The following AUH variants were observed in gnomAD, a reference collection of about 807,000 sequenced individuals.
AUH encodes methylglutaconyl-CoA hydratase, mitochondrial.
A neutral mutation model predicts 42.3 loss-of-function variants in AUH; 29 were observed. The ratio of observed to expected loss-of-function variants is 0.69; its 90% CI spans 0.51 to 0.93. The LOEUF is 0.93. Among genes scored for constraint, AUH ranks in the 40% least tolerant of loss-of-function variants. AUH has a pLI of 0.00. For synonymous variants in AUH, 174 were observed against 166.4 expected (o/e 1.05, Z -0.35); for missense variants, 452 against 438.1 (o/e 1.03, Z -0.28).
intron 4 of AUH, among the ~76,000 whole-genome samples, chr9:91,300,898 T>C (rs575648422): frequency 6.6e-6 from 1 of 152,338 alleles, no homozygotes; most frequent in South Asian, 2.1e-4. Flanking sequence ...TATGCTTACA[T>C]GGCACTCTGT....
At chr9:91,229,041 G>A (rs1249843985) in intron 6 of AUH, among the ~76,000 whole-genome samples, 3 of 151,648 alleles carry the variant, frequency 2.0e-5, no homozygotes, top group Admixed American at 2.0e-4. Context: ...TTGATTTGGG[G>A]TGGAGAGTTC....
At chr9:91,325,246 A>C in intron 4 of AUH, 72 bp downstream of exon 4, 1 of 1,205,170 alleles carries the variant, frequency 8.3e-7, no homozygotes, top group African/African-American at 1.5e-5. Flanking sequence ...CTTATATATA[A>C]TGTGTAACTT....
intron 7 of AUH, among the ~76,000 whole-genome samples, chr9:91,217,952 G>A (rs1301483891): frequency 6.6e-6 from 1 of 152,148 alleles, no homozygotes; most frequent in African/African-American, 2.4e-5. Flanking sequence ...TGTTACCTGT[G>A]TCTTGCAGAA....
intron 6 of AUH, among the ~76,000 whole-genome samples, chr9:91,257,056 T>C (rs563522259): frequency 1.3e-5 from 2 of 152,298 alleles, no homozygotes; most frequent in African/African-American, 4.8e-5. Context: ...TTGATGAGAA[T>C]GTTCTCCAGT....
In AUH at chr9:91,284,991, C is replaced by T. The variant is rs377592525; in HGVS notation, c.655+11030G>A. ...ACCCAAAGGATTATAAATCATGCTG[C>T]TATGAAGACACATGCACACGTATGT... On this transcript the variant is annotated intron_variant, in intron 6 of 9. Transcript: ENST00000375731. 5.3e-5 allele frequency among the ~76,000 whole-genome samples: 8 copies of T among 152,294 alleles called. No homozygotes were observed. In the East Asian group the frequency reaches 5.8e-4, roughly 11 times the overall value.
intron 3 of AUH, among the ~76,000 whole-genome samples, chr9:91,332,977 A>G (rs1362691623): frequency 6.6e-6 from 1 of 152,206 alleles, no homozygotes; most frequent in Non-Finnish European, 1.5e-5. Context: ...AACGCTGGTA[A>G]GCAGTTAAAA....
intron 6 of AUH, among the ~76,000 whole-genome samples, chr9:91,271,317 C>T (rs535666629): frequency 1.5e-4 from 23 of 152,352 alleles, no homozygotes; most frequent in African/African-American, 5.3e-4. Context: ...CTTGCAGAGA[C>T]AATTAATACA....
At chr9:91,325,918 T>C (rs1240169574) in intron 3 of AUH, among the ~76,000 whole-genome samples, 1 of 152,186 alleles carries the variant, frequency 6.6e-6, no homozygotes, top group Non-Finnish European at 1.5e-5. Flanking sequence ...TCCTTTTGAC[T>C]TCATGGATGC....
At chr9:91,248,323 G>A (rs1828911162) in intron 6 of AUH, among the ~76,000 whole-genome samples, 3 of 152,110 alleles carry the variant, frequency 2.0e-5, no homozygotes. Flanking sequence ...TCTGTATTAT[G>A]TGTTATTTTT....
At chr9:91,303,926 G>A (rs1009734092) in intron 4 of AUH, among the ~76,000 whole-genome samples, 3 of 152,158 alleles carry the variant, frequency 2.0e-5, no homozygotes, top group African/African-American at 4.8e-5. Flanking sequence ...CTGCAGGCTG[G>A]CTGGGCTGTT....
intron 3 of AUH, among the ~76,000 whole-genome samples, chr9:91,350,443 T>TAA (rs1831877094): frequency 6.6e-6 from 1 of 152,212 alleles, no homozygotes; most frequent in Non-Finnish European, 1.5e-5. Flanking sequence ...GGAACTCTTT[T>TAA]AGTCTAAAAT....
At chr9:91,361,577 A>G in intron 1 of AUH, 51 bp downstream of exon 1, 1 of 1,550,366 alleles carries the variant, frequency 6.5e-7, no homozygotes, top group Non-Finnish European at 8.7e-7. Flanking sequence ...GCCCGTCCTG[A>G]GAGCGAGCGG....
chr9:91,355,287 T>G (rs1209000902), intron 3 of AUH, among the ~76,000 whole-genome samples: 1 of 152,228 alleles, frequency 6.6e-6, no homozygotes, highest in African/African-American at 2.4e-5. Flanking sequence ...CCAGGCACAG[T>G]GGCTCACCCC....
rs1826803341 is a variant in AUH, at chr9:91,216,072, GCTT to G, written c.926_928del (p.Glu309del). The G allele has an allele frequency of 1.2e-6, 2 of 1,612,648 alleles. No individual in the cohort carries two copies. Among genetic ancestry groups the G allele is most frequent in the East Asian group, 4.5e-5 (2 of 44,866 alleles). On this transcript the variant is annotated inframe_deletion, in exon 9 of 10. Coordinates refer to ENST00000375731, the MANE Select transcript of AUH (RefSeq NM_001698.3). ...TGCATTACATACCTGAGCATAACAA[GCTT>G]CTTCTATGGCTAACCCTGTTACTAA...
intron 6 of AUH, among the ~76,000 whole-genome samples, chr9:91,264,006 C>T (rs975600066): frequency 1.3e-5 from 2 of 152,158 alleles, no homozygotes; most frequent in African/African-American, 4.8e-5. Flanking sequence ...CCACAACCCA[C>T]CTTAGGTAAG....
chr9:91,351,457 C>T (rs1044115108), intron 3 of AUH, among the ~76,000 whole-genome samples: 3 of 152,136 alleles, frequency 2.0e-5, no homozygotes, highest in African/African-American at 7.2e-5. Flanking sequence ...ATGAGCGCAT[C>T]GGTATATAAT....
chr9:91,244,285 G>A (rs529473518), intron 6 of AUH, among the ~76,000 whole-genome samples: 2 of 152,302 alleles, frequency 1.3e-5, no homozygotes, highest in East Asian at 1.9e-4. Context: ...AAGGTTCACT[G>A]TATAGTATTA....
At chr9:91,237,433 A>G (rs1828252402) in intron 6 of AUH, among the ~76,000 whole-genome samples, 1 of 152,172 alleles carries the variant, frequency 6.6e-6, no homozygotes, top group South Asian at 2.1e-4. Context: ...CTCAAAATGG[A>G]TATCTTTGTT....
intron 4 of AUH, among the ~76,000 whole-genome samples, chr9:91,318,457 A>G (rs566445786): frequency 1.3e-5 from 2 of 152,024 alleles, no homozygotes; most frequent in African/African-American, 4.8e-5. Context: ...TTCCCACCTT[A>G]TGCTTTCATG....
Sources: allele counts gnomAD v4.1 joint callset (sites outside exome capture counted in the v4.1 genomes callset), GRCh38; gene constraint gnomAD v4.1.1; transcripts MANE v1.5; gene names NCBI Gene and HGNC (gene_info 2026-07-23, HGNC 2026-07-21).